The following FBXO32 variants were observed in gnomAD, a reference collection of about 807,000 sequenced individuals.
FBXO32 encodes F-box only protein 32.
In FBXO32, 15 loss-of-function variants were observed where a neutral mutation model predicts 48.3. The ratio of observed to expected loss-of-function variants is 0.31; its 90% CI spans 0.21 to 0.48. The LOEUF (loss-of-function observed/expected upper bound fraction) is 0.48. Among genes scored for constraint, FBXO32 ranks in the 20% least tolerant of loss-of-function variants. FBXO32 has a pLI of 0.99. For synonymous variants in FBXO32, 154 were observed against 165.9 expected (o/e 0.93, Z 0.55); for missense variants, 309 against 432.7 (o/e 0.71, Z 2.54).
intron 8 of FBXO32, among the ~76,000 whole-genome samples, chr8:123,504,328 G>A (rs1039959351): frequency 6.6e-5 from 10 of 152,306 alleles, no homozygotes; most frequent in Admixed American, 6.5e-4. Flanking sequence ...GTTTCCATGT[G>A]TAAGTGTGTG....
chr8:123,498,636 G>C lies in FBXO32; in HGVS notation c.*4737C>G, dbSNP rs868289923. On this transcript the variant is annotated 3_prime_UTR_variant, in exon 9 of 9. Coordinates refer to ENST00000517956, the MANE Select transcript of FBXO32 (RefSeq NM_058229.4). ...ATAGCTGGTCCTGAAGGAGGAAATG[G>C]AGAAGATGGATTAAATGTACCTCTG... The C allele has an allele frequency of 2.0e-5, 3 of 152,190 alleles. No individual in the cohort carries two copies. The highest frequency in any genetic ancestry group is 4.4e-5 in the Non-Finnish European group (3 of 68,050). 9.4% of individuals were successfully genotyped at this position (152,190 alleles called of 1,614,324 possible). A position where few individuals can be genotyped will look rare whatever the true frequency, so the allele number is the denominator to read the frequency against.
chr8:123,533,122 A>T, intron 3 of FBXO32, 69 bp downstream of exon 3: 1 of 1,196,276 alleles, frequency 8.4e-7, no homozygotes, highest in South Asian at 1.3e-5. Flanking sequence ...CCTCCCTACC[A>T]TATCCCTCCC....
At position 123,498,330 on chromosome 8, in the gene FBXO32, C is replaced by T. The variant is rs1816401567; in HGVS notation, c.*5043G>A. On this transcript the variant is annotated 3_prime_UTR_variant, in exon 9 of 9. Transcript: ENST00000517956. ...AGACAGAAAAAGTCATGTTTAAACT[C>T]CAGAAATAATGTAGCAGATGGAGTT... 6.6e-6 allele frequency: 1 copy of T among 152,142 alleles called. No homozygotes were observed. The highest frequency in any genetic ancestry group is 6.5e-5 in the Admixed American group (1 of 15,276). The allele number at this position is 152,142 out of a possible 1,614,324, so 9.4% of individuals were successfully genotyped here.
Position 123,533,049 on chromosome 8 carries a change from A to G in FBXO32, c.279+142T>C, listed in dbSNP as rs1817240887. ...GTTCTAAACTCTGATGGTTGGCTAA[A>G]TAATAGACTAATAGCTGCCATCTCC... On this transcript the variant is annotated intron_variant, in intron 3 of 8. Transcript: ENST00000517956. The G allele has an allele frequency of 1.1e-5, 7 of 644,482 alleles. No homozygotes were observed. The East Asian group carries it at 1.9e-4, about 18-fold the overall frequency. The allele number at this position is 644,482 out of a possible 1,614,324, so 39.9% of individuals were successfully genotyped here.
chr8:123,503,720 G>A (rs746108384), intron 8 of FBXO32, among the ~76,000 whole-genome samples: 10 of 152,110 alleles, frequency 6.6e-5, no homozygotes, highest in Non-Finnish European at 1.0e-4. Flanking sequence ...ACAAATACAC[G>A]GTATGATAGA....
chr8:123,539,779 C>A (rs1296280755), intron 1 of FBXO32, among the ~76,000 whole-genome samples: 2 of 152,160 alleles, frequency 1.3e-5, no homozygotes, highest in African/African-American at 2.4e-5. Context: ...TAAGCGGGAA[C>A]CTGGCCCAGA....
At chr8:123,526,224 T>G (rs1026943935) in intron 4 of FBXO32, among the ~76,000 whole-genome samples, 31 of 152,088 alleles carry the variant, frequency 2.0e-4, no homozygotes, top group Non-Finnish European at 3.7e-4. Context: ...ATGATCTTTT[T>G]TTTTTTTTGA....
intron 4 of FBXO32, among the ~76,000 whole-genome samples, chr8:123,516,619 C>T (rs1439215635): frequency 6.6e-6 from 1 of 152,170 alleles, no homozygotes; most frequent in African/African-American, 2.4e-5. Context: ...ACATGTTTGT[C>T]CCCGTGGAGC....
intron 8 of FBXO32, among the ~76,000 whole-genome samples, chr8:123,503,695 A>AGTGGATCAATGG (rs1404671612): frequency 6.6e-6 from 1 of 152,216 alleles, no homozygotes; most frequent in Non-Finnish European, 1.5e-5. Flanking sequence ...GATGCAGAGA[A>AGTGGATCAATGG]GTGGATCAAT....
intron 6 of FBXO32, among the ~76,000 whole-genome samples, chr8:123,507,438 G>GGGGTGTGTGT (rs371377453): frequency 3.0e-3 from 425 of 139,886 alleles, no homozygotes; most frequent in African/African-American, 8.4e-3. Flanking sequence ...TCTGTGCTAG[G>GGGGTGTGTGT]GTGTGTGTGT....
At chr8:123,504,787 T>C (rs755497272) in intron 7 of FBXO32, 40 bp from the exon 8 acceptor site, 1 of 1,597,816 alleles carries the variant, frequency 6.3e-7, no homozygotes, top group South Asian at 1.1e-5. Flanking sequence ...CAGGAGAGTT[T>C]GTCAAGAAGA....
intron 1 of FBXO32, among the ~76,000 whole-genome samples, chr8:123,535,885 T>C (rs1817300947): frequency 6.6e-6 from 1 of 152,012 alleles, no homozygotes; most frequent in Admixed American, 6.6e-5. Flanking sequence ...TCTGAGTTTC[T>C]CTGCTGAATT....
At position 123,506,843 on chromosome 8, in the gene FBXO32, C is replaced by G. The variant is rs1477741336; in HGVS notation, c.652-269G>C. Among the ~76,000 whole-genome samples, 1 of 152,208 alleles carries G rather than the reference C, an allele frequency of 6.6e-6. No individual in the cohort carries two copies. Among genetic ancestry groups the G allele is most frequent in the African/African-American group, 2.4e-5 (1 of 41,448 alleles). ...CTTGAAACTTTCACTCTTAAAGACT[C>G]TCCAAATAGCGCATGTGCTTTACTC... On this transcript the variant is annotated intron_variant, in intron 6 of 8. Coordinates refer to ENST00000517956, the MANE Select transcript of FBXO32 (RefSeq NM_058229.4). This position sits in a 1 kb window ranked among gnomAD's most constrained non-coding sequence, Gnocchi z 4.0.
chr8:123,506,377 C>T lies in FBXO32; in HGVS notation c.834+15G>A. On this transcript the variant is annotated intron_variant, in intron 7 of 8. Coordinates refer to ENST00000517956, the MANE Select transcript of FBXO32 (RefSeq NM_058229.4). The surrounding 1 kb of genome is among the most constrained non-coding windows in gnomAD (Gnocchi z 4.0). ...AGAAGGAGGGTGGGAGGAAAGCCCA[C>T]TGGGCCTTGCTGACCTGCCGCTCGG... 6.2e-7 allele frequency: 1 copy of T among 1,611,930 alleles called. No homozygotes were observed. Among genetic ancestry groups the T allele is most frequent in the Non-Finnish European group, 8.5e-7 (1 of 1,179,582 alleles).
At chr8:123,514,370 CAG>C (rs767118528) in intron 4 of FBXO32, 37 bp from the exon 5 acceptor site, 68 of 1,534,218 alleles carry the variant, frequency 4.4e-5, no homozygotes, top group Non-Finnish European at 6.0e-5. Context: ...GCTTAGAGTA[CAG>C]AGATATTTTT....
chr8:123,531,282 A>G (rs1183712737), intron 4 of FBXO32, among the ~76,000 whole-genome samples: 1 of 152,132 alleles, frequency 6.6e-6, no homozygotes, highest in African/African-American at 2.4e-5. Flanking sequence ...GCACCCGGCC[A>G]AAACAGGCAG....
chr8:123,510,885 T>C (rs1041417160), intron 6 of FBXO32, among the ~76,000 whole-genome samples: 4 of 152,194 alleles, frequency 2.6e-5, no homozygotes, highest in East Asian at 1.9e-4. Flanking sequence ...TTTCAGATCA[T>C]AGCTGCTCGG....
At chr8:123,528,501 G>A (rs1466771809) in intron 4 of FBXO32, among the ~76,000 whole-genome samples, 1 of 152,200 alleles carries the variant, frequency 6.6e-6, no homozygotes, top group African/African-American at 2.4e-5. Flanking sequence ...TGTTTCTAGA[G>A]ATGTGAAATC....
intron 6 of FBXO32, among the ~76,000 whole-genome samples, chr8:123,509,626 G>A (rs1277114872): frequency 6.6e-6 from 1 of 152,164 alleles, no homozygotes; most frequent in African/African-American, 2.4e-5. Flanking sequence ...TGTGAGCCCA[G>A]GAGGCCAAGG....
Sources: gnomAD v4.1 joint callset for allele counts (sites outside exome capture counted in the v4.1 genomes callset) on GRCh38, gnomAD v4.1.1 for gene constraint, Gnocchi (gnomAD v3.1) non-coding constraint, MANE v1.5 for transcripts, NCBI Gene and HGNC (gene_info 2026-07-23, HGNC 2026-07-21) for gene names.